DDX59: variants seen among roughly 807,000 people sequenced by gnomAD.
The protein encoded by DDX59 is DEAD-box helicase 59.
A neutral mutation model predicts 51.9 loss-of-function variants in DDX59; 30 were observed. The observed-to-expected ratio is 0.58, with a 90% confidence interval of 0.43 to 0.78. The LOEUF (loss-of-function observed/expected upper bound fraction) is 0.78. Ranked by LOEUF, DDX59 falls within the 30% of genes least tolerant of loss-of-function variation. The pLI, the probability that DDX59 is intolerant of heterozygous loss-of-function variation, is 0.00. For synonymous variants in DDX59, 255 were observed against 253.3 expected (o/e 1.01, Z -0.06); for missense variants, 672 against 730.8 (o/e 0.92, Z 0.93).
In DDX59 at chr1:200,653,913, G is replaced by A. The variant is rs148313823; in HGVS notation, c.1063-3237C>T. ...CTCCCCTCGTTGCCACTGCCGTATC[G>A]CCTTGTGTACATTTATCACAGCTAC... On this transcript the variant is annotated intron_variant, in intron 4 of 7. Coordinates refer to ENST00000331314, the MANE Select transcript of DDX59 (RefSeq NM_001031725.6). Among the ~76,000 whole-genome samples the A allele has an allele frequency of 1.2e-3, 183 of 152,108 alleles. 3 individuals carry two copies. The East Asian group carries it at 0.034, about 28-fold the overall frequency.
At position 200,666,137 on chromosome 1, in the gene DDX59, T is replaced by C. The variant is rs752150818; in HGVS notation, c.604A>G (p.Ile202Val). 4.3e-6 allele frequency: 7 copies of C among 1,614,104 alleles called. No homozygotes were observed. The highest frequency in any genetic ancestry group is 5.9e-6 in the Non-Finnish European group (7 of 1,180,050). The change falls in exon 2 of 8, where the codon ATT becomes GTT. Residue 202 changes from isoleucine (I) to valine (V), a missense_variant. Physicochemically the swap from Ile to Val is conservative, Grantham distance 29. Transcript: ENST00000331314. ...AGACTACAATGTTCAAAGTCAATAA[T>C]GGGCCTGGTGACTTCTTGCCCTTGA... ...LVQGQEVTRP[I>V]IDFEHCSLPE... is the part of the protein sequence containing the mutation.
chr1:200,648,301 C>G, intron 7 of DDX59, 138 bp downstream of exon 7: 1 of 1,170,372 alleles, frequency 8.5e-7, no homozygotes, highest in Non-Finnish European at 1.2e-6. Context: ...CCCGCGATGG[C>G]CTTCCAAAGT....
Position 200,667,032 on chromosome 1 carries a change from CG to C in DDX59, c.-11-282del, listed in dbSNP as rs111831365. Among the ~76,000 whole-genome samples, 443 of 151,786 alleles carry C rather than the reference CG, an allele frequency of 2.9e-3. 3 individuals are homozygous for C. Among genetic ancestry groups the C allele is most frequent in the African/African-American group, 0.01 (426 of 41,350 alleles). ...CTGAGGCAGGAGAATCACTTGATCC[CG>C]GGGGGCAGAGATTGCAGTGAGCCGA... is the stretch of plus-strand genomic sequence containing the variant. On this transcript the variant is annotated intron_variant, in intron 1 of 7. Coordinates refer to ENST00000331314, the MANE Select transcript of DDX59 (RefSeq NM_001031725.6).
At chr1:200,643,446 A>G (rs1661108978), downstream of DDX59, among the ~76,000 whole-genome samples, 1 of 151,940 alleles carries the variant, frequency 6.6e-6, no homozygotes, top group Non-Finnish European at 1.5e-5. Context: ...GATTGAGACC[A>G]TCCTGGCTAA....
intron 1 of DDX59, among the ~76,000 whole-genome samples, chr1:200,667,814 T>C (rs767916499): frequency 6.6e-6 from 1 of 152,070 alleles, no homozygotes; most frequent in African/African-American, 2.4e-5. Context: ...CTAATATATA[T>C]ATATACAGAT....
chr1:200,648,940 T>C, intron 6 of DDX59, 134 bp downstream of exon 6: 1 of 919,230 alleles, frequency 1.1e-6, no homozygotes. Context: ...AACTTCATGG[T>C]AACCGCTTGT....
At chr1:200,660,950 C>T (rs1337795329) in intron 3 of DDX59, among the ~76,000 whole-genome samples, 1 of 152,234 alleles carries the variant, frequency 6.6e-6, no homozygotes, top group Non-Finnish European at 1.5e-5. Flanking sequence ...GCTCTATCCA[C>T]TGGGAAGTCC....
intron 1 of DDX59, among the ~76,000 whole-genome samples, chr1:200,669,354 T>C (rs1465370161): frequency 7.5e-6 from 1 of 132,898 alleles, no homozygotes. Context: ...GTACAGGGGG[T>C]GGCGGGCGGG....
At chr1:200,666,814 C>A in intron 1 of DDX59, 63 bp from the exon 2 acceptor site, 1 of 1,508,274 alleles carries the variant, frequency 6.6e-7, no homozygotes, top group South Asian at 1.3e-5. Flanking sequence ...TATAAAGTAC[C>A]ATATGATTAA....
rs528896432 is a variant in DDX59 at position 200,659,050 on chromosome 1, C to T, written c.1039G>A (p.Val347Ile). The change falls in exon 4 of 8, where the codon GTA (valine) becomes ATA (isoleucine). Residue 347 changes from valine to isoleucine, a missense_variant. Coordinates refer to ENST00000331314, the MANE Select transcript of DDX59 (RefSeq NM_001031725.6). ...ACTTCATCTACTACCACAATCTTTA[C>T]ACCACAGAGTTCTACAGAGCTCTGC... ...IKQSSVELCG[V>I]KIVVVDEADT... 13 of 1,612,824 alleles carry T rather than the reference C, an allele frequency of 8.1e-6. No individual in the cohort carries two copies. The South Asian group carries it at 1.1e-4, about 14-fold the overall frequency.
intron 3 of DDX59, among the ~76,000 whole-genome samples, chr1:200,663,548 G>A (rs963644197): frequency 6.6e-6 from 1 of 152,078 alleles, no homozygotes; most frequent in Non-Finnish European, 1.5e-5. Flanking sequence ...GTCAATTTTG[G>A]CAACTATTAT....
chr1:200,666,582 G>T lies in DDX59; in HGVS notation c.159C>A (p.Asp53Glu), dbSNP rs557581836. ...AAGGGCATGATTCGCTGATGTGCCT[G>T]TCTATTGTGGCTGCTTCTGTAGCTA... The part of the protein sequence containing the change: ...DAVATEAATI[D>E]RHISESCPFP... Residue 53 changes from aspartate (D) to glutamate (E), a missense_variant, in exon 2 of 8, where the codon GAC (aspartate) becomes GAA (glutamate). Transcript: ENST00000331314. The T allele has an allele frequency of 2.0e-5, 32 of 1,614,212 alleles. No homozygotes were observed. The highest frequency in any genetic ancestry group is 2.5e-5 in the Non-Finnish European group (29 of 1,180,036).
chr1:200,653,631 A>G (rs955335217), intron 4 of DDX59, among the ~76,000 whole-genome samples: 6 of 152,158 alleles, frequency 3.9e-5, no homozygotes, highest in African/African-American at 1.4e-4. Context: ...ACCATGACCA[A>G]AAAGTCTTAC....
chr1:200,641,276 T>C, downstream of DDX59: 1 of 1,262,180 alleles, frequency 7.9e-7, no homozygotes, highest in Non-Finnish European at 1.1e-6. Context: ...GAAAATAGTG[T>C]AGTTTTACTG....
downstream of DDX59, chr1:200,640,819 A>T (rs1661028809): frequency 6.5e-6 from 1 of 153,244 alleles, no homozygotes. Flanking sequence ...AATTTTTCAA[A>T]GCTAAAATTT....
Position 200,649,245 on chromosome 1 carries a change from A to T in DDX59, c.1315-19T>A, listed in dbSNP as rs756072457. ...TCTTATCCTGAAAAATTAAAAACAT[A>T]TATCAAAAATTATTCATATAAAATA... is the stretch of plus-strand genomic sequence containing the variant. On this transcript the variant is annotated intron_variant, in intron 5 of 7. Transcript: ENST00000331314. The T allele has an allele frequency of 1.3e-6, 2 of 1,549,358 alleles. No homozygotes were observed. The highest frequency in any genetic ancestry group is 2.8e-5 in the African/African-American group (2 of 71,108).
chr1:200,644,619 G>T, intron 7 of DDX59, 102 bp from the exon 8 acceptor site: 1 of 1,395,602 alleles, frequency 7.2e-7, no homozygotes, highest in Non-Finnish European at 9.4e-7. Flanking sequence ...TTACTGGCTG[G>T]GTGCAGTGGC....
Position 200,651,443 on chromosome 1 carries a change from G to C in DDX59, c.1063-767C>G, listed in dbSNP as rs376428533. On this transcript the variant is annotated intron_variant, in intron 4 of 7. Coordinates refer to ENST00000331314, the MANE Select transcript of DDX59 (RefSeq NM_001031725.6). ...TCTAAAAGAGGCTGGATGGAGCTCT[G>C]TGTGAGGATGCAGGAAGAGGGTGCT... Among the ~76,000 whole-genome samples the C allele has an allele frequency of 2.0e-5, 3 of 151,926 alleles. No individual in the cohort carries two copies. The East Asian group carries it at 5.8e-4, about 29-fold the overall frequency.
Position 200,666,017 on chromosome 1 carries a change from C to T in DDX59, c.724G>A (p.Asp242Asn), listed in dbSNP as rs750607275. The change falls in exon 2 of 8, where the codon GAC becomes AAC. Residue 242 changes from aspartate to asparagine, a missense_variant. Physicochemically the swap from Asp to Asn is conservative, Grantham distance 23. Transcript: ENST00000331314. ...QMIPVGLLGR[D>N]ILASADTGSG... is the part of the protein sequence containing the mutation. ...CCAGTATCTGCACTGGCCAGAATGT[C>T]TCTTCCCAGAAGTCCCACAGGAATC... The T allele has an allele frequency of 1.4e-5, 22 of 1,614,094 alleles. No individual in the cohort carries two copies. In the Admixed American group the frequency reaches 3.7e-4, roughly 27 times the overall value.
Sources: gnomAD v4.1 joint callset for allele counts (sites outside exome capture counted in the v4.1 genomes callset) on GRCh38, gnomAD v4.1.1 for gene constraint, MANE v1.5 for transcripts, NCBI Gene and HGNC (gene_info 2026-07-23, HGNC 2026-07-21) for gene names.